KIAA0232: variants seen among roughly 807,000 people sequenced by gnomAD.
KIAA0232 encodes the protein KIAA0232.
Under a neutral mutation model 122.0 loss-of-function variants are expected in KIAA0232, and 27 were observed. The observed-to-expected ratio is 0.22, with a 90% confidence interval of 0.16 to 0.31. The LOEUF (loss-of-function observed/expected upper bound fraction) is 0.31, where lower values mean the gene tolerates loss of function less well. KIAA0232 is among the 10% of genes least tolerant of loss of function. KIAA0232 has a pLI of 1.00. For missense variants in KIAA0232, 1,551 were observed against 1,634.2 expected, an observed-to-expected ratio of 0.95 and a Z score of 0.88; for synonymous variants, 613 against 587.6, an observed-to-expected ratio of 1.04 and a Z score of -0.63.
chr4:6,802,033 C>G (rs1398051796), intron 1 of KIAA0232, among the ~76,000 whole-genome samples: 1 of 152,196 alleles, frequency 6.6e-6, no homozygotes, highest in Non-Finnish European at 1.5e-5. Context: ...TTAGTTCCTT[C>G]ATGAGTGTCA....
At chr4:6,790,370 T>C (rs1039337012) in intron 1 of KIAA0232, among the ~76,000 whole-genome samples, 2 of 151,320 alleles carry the variant, frequency 1.3e-5, no homozygotes, top group Admixed American at 1.3e-4. Context: ...TATTTAATTT[T>C]TTTTTTTTAA....
rs906554363 is a variant in KIAA0232 at position 6,884,156 on chromosome 4, T to A, written c.*3190T>A. 6.6e-6 allele frequency: 1 copy of A among 152,166 alleles called. No individual in the cohort carries two copies. The highest frequency in any genetic ancestry group is 2.4e-5 in the African/African-American group (1 of 41,440). 9.4% of individuals were successfully genotyped at this position (152,166 alleles called of 1,614,324 possible). A position where few individuals can be genotyped will look rare whatever the true frequency, so the allele number is the denominator to read the frequency against. On this transcript the variant is annotated 3_prime_UTR_variant, in exon 10 of 10. Coordinates refer to ENST00000307659, the MANE Select transcript of KIAA0232 (RefSeq NM_014743.3). Reference sequence around the variant, plus strand: ...GAATTAAAAGAAAAATAAAAAAATATAAACTTTATTTCTCAACATAAGTTC... The same window carrying A: ...GAATTAAAAGAAAAATAAAAAAATAAAAACTTTATTTCTCAACATAAGTTC...
intron 1 of KIAA0232, among the ~76,000 whole-genome samples, chr4:6,799,281 T>G (rs549382973): frequency 1.9e-4 from 29 of 150,108 alleles, no homozygotes; most frequent in Admixed American, 1.7e-3. Flanking sequence ...CCAATTTAGG[T>G]GGCTGATAAT....
chr4:6,865,200 T>G (rs1721105063), intron 7 of KIAA0232, among the ~76,000 whole-genome samples: 1 of 152,224 alleles, frequency 6.6e-6, no homozygotes, highest in African/African-American at 2.4e-5. Context: ...GACAATAAAC[T>G]GTTTCACAAA....
intron 3 of KIAA0232, among the ~76,000 whole-genome samples, chr4:6,824,983 A>C (rs1718604504): frequency 6.6e-6 from 1 of 152,236 alleles, no homozygotes; most frequent in Admixed American, 6.5e-5. Flanking sequence ...GCTGCCTTTG[A>C]GTAGCAGTGC....
At chr4:6,865,821 G>T (rs1282002191) in intron 7 of KIAA0232, among the ~76,000 whole-genome samples, 1 of 152,148 alleles carries the variant, frequency 6.6e-6, no homozygotes, top group East Asian at 1.9e-4. Context: ...CTCTGCATCA[G>T]AATTAATTTT....
intron 1 of KIAA0232, among the ~76,000 whole-genome samples, chr4:6,792,391 A>G (rs1716934641): frequency 6.6e-6 from 1 of 152,176 alleles, no homozygotes; most frequent in African/African-American, 2.4e-5. Context: ...AGCCTTAAAA[A>G]AATTGACCAA....
rs1280815596 is a variant in KIAA0232, at chr4:6,862,877, T to G, written c.2495T>G (p.Met832Arg). ...GTTATTAAAGACATTTGGACAAAGA[T>G]GGCAGACACAAATTCTGTGGCTACA... ...SGVIKDIWTKMADTNSVATVE... is the reference protein window; with the variant it reads ...SGVIKDIWTKRADTNSVATVE... Residue 832 changes from methionine (M) to arginine (R), a missense_variant, in exon 7 of 10, where the codon ATG (methionine) becomes AGG (arginine). Physicochemically the swap from Met to Arg is moderately conservative, Grantham distance 91. Transcript: ENST00000307659. The G allele has an allele frequency of 1.9e-6, 3 of 1,614,236 alleles. No individual in the cohort carries two copies. Among genetic ancestry groups the G allele is most frequent in the Non-Finnish European group, 2.5e-6 (3 of 1,180,036 alleles).
intron 1 of KIAA0232, among the ~76,000 whole-genome samples, chr4:6,800,598 T>A (rs951490447): frequency 1.4e-4 from 22 of 151,892 alleles, no homozygotes; most frequent in Non-Finnish European, 2.9e-4. Flanking sequence ...GGAGAATCAC[T>A]TTAACCCAGG....
At chr4:6,842,426 A>G (rs1376242820) in intron 4 of KIAA0232, among the ~76,000 whole-genome samples, 1 of 152,154 alleles carries the variant, frequency 6.6e-6, no homozygotes, top group Non-Finnish European at 1.5e-5. Context: ...AAGAGTATAC[A>G]CAAAATTTTA....
intron 1 of KIAA0232, 88 bp from the exon 2 acceptor site, chr4:6,804,434 TG>T (rs965770773): frequency 6.6e-6 from 1 of 152,210 alleles, no homozygotes; most frequent in Non-Finnish European, 1.5e-5. Context: ...AAACTGTGAT[TG>T]CTTTGTAAAG....
chr4:6,799,597 GACT>G, intron 1 of KIAA0232, among the ~76,000 whole-genome samples: 1 of 152,100 alleles, frequency 6.6e-6, no homozygotes, highest in East Asian at 1.9e-4. Context: ...CATAGCCTAA[GACT>G]ACATAACTAT....
Position 6,884,156 on chromosome 4 carries a change from T to C in KIAA0232, c.*3190T>C, listed in dbSNP as rs906554363. On this transcript the variant is annotated 3_prime_UTR_variant, in exon 10 of 10. Transcript: ENST00000307659. ...GAATTAAAAGAAAAATAAAAAAATA[T>C]AAACTTTATTTCTCAACATAAGTTC... 2.0e-5 allele frequency: 3 copies of C among 152,166 alleles called. No individual in the cohort carries two copies. Among genetic ancestry groups the C allele is most frequent in the Admixed American group, 6.6e-5 (1 of 15,262 alleles). The allele number at this position is 152,166 out of a possible 1,614,324, so 9.4% of individuals were successfully genotyped here. A position where few individuals can be genotyped will look rare whatever the true frequency, so the allele number is the denominator to read the frequency against.
intron 6 of KIAA0232, 116 bp from the exon 7 acceptor site, chr4:6,860,785 T>A: frequency 2.3e-6 from 2 of 862,002 alleles, no homozygotes; most frequent in Non-Finnish European, 3.7e-6. Flanking sequence ...TCTTGGATGA[T>A]GTGAATGTTG....
At chr4:6,808,398 A>G (rs1717732354) in intron 2 of KIAA0232, among the ~76,000 whole-genome samples, 1 of 150,706 alleles carries the variant, frequency 6.6e-6, no homozygotes, top group Non-Finnish European at 1.5e-5. Context: ...CACACCAGCA[A>G]TGTGAGTATG....
intron 2 of KIAA0232, among the ~76,000 whole-genome samples, chr4:6,816,351 C>T (rs1418381082): frequency 6.6e-6 from 1 of 150,546 alleles, no homozygotes; most frequent in Non-Finnish European, 1.5e-5. Context: ...GGCGTGATCT[C>T]GGCTCACTGC....
intron 3 of KIAA0232, among the ~76,000 whole-genome samples, chr4:6,841,260 T>G (rs1267165394): frequency 6.6e-6 from 1 of 152,264 alleles, no homozygotes; most frequent in African/African-American, 2.4e-5. Flanking sequence ...AGGCTCAAAC[T>G]GCTCTTCCAG....
chr4:6,787,862 G>A (rs753121148), intron 1 of KIAA0232, among the ~76,000 whole-genome samples: 1 of 152,144 alleles, frequency 6.6e-6, no homozygotes, highest in Non-Finnish European at 1.5e-5. Context: ...TGAGGGATAC[G>A]ACAGTTTTGT....
chr4:6,880,909 C>T lies in KIAA0232; in HGVS notation c.4131C>T (p.Gly1377=), dbSNP rs201863665. Residue 1377 remains glycine, a synonymous_variant, in exon 10 of 10, where the codon GGC becomes GGT. Coordinates refer to ENST00000307659, the MANE Select transcript of KIAA0232 (RefSeq NM_014743.3). ...CCTCGGAAGAGACAGGCTCAGAAGG[C>T]GGAGGCGAGTGGGTGGGCCCTAGTG... The part of the protein sequence containing the change: ...SSTSEETGSE[G]GGEWVGPSEE... The T allele has an allele frequency of 8.1e-6, 13 of 1,605,256 alleles. No homozygotes were observed. Among genetic ancestry groups the T allele is most frequent in the East Asian group, 2.2e-5 (1 of 44,524 alleles).
Sources: allele counts gnomAD v4.1 joint callset (sites outside exome capture counted in the v4.1 genomes callset), GRCh38; gene constraint gnomAD v4.1.1; transcripts MANE v1.5; gene names NCBI Gene and HGNC (gene_info 2026-07-23, HGNC 2026-07-21).